Variants in NMBR observed in about 807,000 individuals in gnomAD.
NMBR encodes the protein neuromedin B receptor.
A neutral mutation model predicts 20.5 loss-of-function variants in NMBR; 16 were observed. That is an observed-to-expected ratio of 0.78 (90% CI 0.53 to 1.19). The LOEUF is 1.19. NMBR is among the 50% of genes most tolerant of loss of function. The pLI is 0.00. For synonymous variants in NMBR, 212 were observed against 196.6 expected (o/e 1.08, Z -0.65); for missense variants, 582 against 499.1 (o/e 1.17, Z -1.58).
intron 2 of NMBR, among the ~76,000 whole-genome samples, 155 bp from the exon 3 acceptor site, chr6:142,079,058 AAGAG>A (rs750980226): frequency 1.6e-5 from 2 of 124,650 alleles, no homozygotes; most frequent in East Asian, 2.4e-4. Context: ...GAAAGAGAGA[AAGAG>A]AGAGAGAAAG....
intron 1 of NMBR, among the ~76,000 whole-genome samples, chr6:142,123,230 A>G (rs1301084862): frequency 6.6e-6 from 1 of 151,946 alleles, no homozygotes; most frequent in Non-Finnish European, 1.5e-5. Context: ...GTAACTGCAG[A>G]TGGGATGGAA....
intron 1 of NMBR, among the ~76,000 whole-genome samples, chr6:142,093,977 T>C (rs1277535371): frequency 8.0e-6 from 1 of 125,260 alleles, no homozygotes; most frequent in African/African-American, 3.3e-5. Context: ...GTTCATATCC[T>C]TCGCCCACTC....
chr6:142,137,266 G>A (rs1778277423), intron 1 of NMBR, among the ~76,000 whole-genome samples: 1 of 152,130 alleles, frequency 6.6e-6, no homozygotes, highest in African/African-American at 2.4e-5. Flanking sequence ...AATTGTGAAT[G>A]GGAGTTCACT....
Position 142,078,817 on chromosome 6 carries a change from A to G in NMBR, c.509T>C (p.Val170Ala). The G allele has an allele frequency of 1.2e-6, 2 of 1,613,956 alleles. No homozygotes were observed. Among genetic ancestry groups the G allele is most frequent in the South Asian group, 2.2e-5 (2 of 91,064 alleles). Residue 170 changes from valine to alanine, a missense_variant, in exon 3 of 4, where the codon GTC (valine) becomes GCC (alanine). Coordinates refer to ENST00000258042, the MANE Select transcript of NMBR (RefSeq NM_002511.4). ...TCVKAMGIWV[V>A]SVLLAVPEAV... Reference sequence around the variant, plus strand: ...TTCGGGAACTGCCAGCAACACGGAGACCACCCAGATACCCATGGCCTTCAC... The same window carrying G: ...TTCGGGAACTGCCAGCAACACGGAGGCCACCCAGATACCCATGGCCTTCAC...
chr6:142,074,899 CA>C lies in NMBR; in HGVS notation c.*748del, dbSNP rs1207168856. Among the ~76,000 whole-genome samples, 1 of 151,652 alleles carries C rather than the reference CA, an allele frequency of 6.6e-6. No homozygotes were observed. Among genetic ancestry groups the C allele is most frequent in the Non-Finnish European group, 1.5e-5 (1 of 67,928 alleles). On this transcript the variant is annotated 3_prime_UTR_variant, in exon 4 of 4. Transcript: ENST00000258042. ...TTCATAATATAAATTATATTCATAT[CA>C]TATCTATTTTATAATTCATAATATT... is the stretch of plus-strand genomic sequence containing the variant.
At chr6:142,082,747 T>G (rs527403260) in intron 2 of NMBR, among the ~76,000 whole-genome samples, 1 of 152,274 alleles carries the variant, frequency 6.6e-6, no homozygotes, top group Admixed American at 6.5e-5. Context: ...CCAGCAGAAA[T>G]TCAGCATTTG....
intron 1 of NMBR, among the ~76,000 whole-genome samples, chr6:142,110,410 A>G (rs2114589174): frequency 6.6e-6 from 1 of 152,346 alleles, no homozygotes; most frequent in Non-Finnish European, 1.5e-5. Flanking sequence ...ATCAATAAGC[A>G]ATAATATGGA....
intron 1 of NMBR, among the ~76,000 whole-genome samples, chr6:142,127,959 T>G (rs1778067190): frequency 6.6e-6 from 1 of 152,032 alleles, no homozygotes; most frequent in Non-Finnish European, 1.5e-5. Flanking sequence ...ACTTCTTTTT[T>G]TCTGATTTAA....
At chr6:142,081,325 A>C (rs1777091126) in intron 2 of NMBR, among the ~76,000 whole-genome samples, 1 of 152,204 alleles carries the variant, frequency 6.6e-6, no homozygotes, top group African/African-American at 2.4e-5. Flanking sequence ...TAACTATAAA[A>C]GATATAGAGA....
chr6:142,082,127 A>T (rs529131906), intron 2 of NMBR, among the ~76,000 whole-genome samples: 4 of 152,322 alleles, frequency 2.6e-5, no homozygotes, highest in Admixed American at 2.6e-4. Flanking sequence ...ATCTACACTA[A>T]TCTTTCTAAT....
chr6:142,108,194 C>G (rs4403281), intron 1 of NMBR, among the ~76,000 whole-genome samples: 16,572 of 152,068 alleles, frequency 0.11, 1,045 homozygotes, highest in African/African-American at 0.17. Flanking sequence ...GAAAACCTTC[C>G]AAATTTGACT....
chr6:142,138,212 A>G (rs1488455821), intron 1 of NMBR, among the ~76,000 whole-genome samples: 3 of 152,170 alleles, frequency 2.0e-5, no homozygotes, highest in African/African-American at 4.8e-5. Context: ...TTATACTGGT[A>G]ACTTAGTAGG....
rs1776901541 is a variant in NMBR, at chr6:142,075,070, A to ATG, written c.*577_*578insCA. Among the ~76,000 whole-genome samples, 5 of 148,220 alleles carry ATG rather than the reference A, an allele frequency of 3.4e-5. No homozygotes were observed. Among genetic ancestry groups the ATG allele is most frequent in the Admixed American group, 6.8e-5 (1 of 14,666 alleles). ...TTTTCTTATTTTCTTAAAATGAAGG[A>ATG]CGTGTGTGTGTGTACATATATACAT... On this transcript the variant is annotated 3_prime_UTR_variant, in exon 4 of 4. Coordinates refer to ENST00000258042, the MANE Select transcript of NMBR (RefSeq NM_002511.4).
At position 142,088,559 on chromosome 6, in the gene NMBR, C is replaced by A; in HGVS notation, c.100G>T (p.Asp34Tyr). 1.2e-6 allele frequency: 2 copies of A among 1,613,894 alleles called. No homozygotes were observed. The highest frequency in any genetic ancestry group is 1.7e-6 in the Non-Finnish European group (2 of 1,180,000). Residue 34 changes from aspartate to tyrosine, a missense_variant, in exon 2 of 4, where the codon GAC becomes TAC. Coordinates refer to ENST00000258042, the MANE Select transcript of NMBR (RefSeq NM_002511.4). ...GWERDFLPAS[D>Y]GTTTELVIRC... ...ATCACCAACTCCGTGGTGGTCCCGT[C>A]CGAGGCCGGCAGGAAATCCCTTTCC...
At chr6:142,106,068 T>C (rs1237357521) in intron 1 of NMBR, among the ~76,000 whole-genome samples, 1 of 152,160 alleles carries the variant, frequency 6.6e-6, no homozygotes, top group Non-Finnish European at 1.5e-5. Context: ...CCCTCCCTAA[T>C]GTCTTCCCCA....
chr6:142,120,667 A>G (rs1777930327), intron 1 of NMBR, among the ~76,000 whole-genome samples: 1 of 151,990 alleles, frequency 6.6e-6, no homozygotes, highest in Non-Finnish European at 1.5e-5. Flanking sequence ...TAGAGTACTC[A>G]CAAGTATGTT....
chr6:142,076,170 A>G (rs550473075), intron 3 of NMBR, 121 bp from the exon 4 acceptor site: 618 of 705,100 alleles, frequency 8.8e-4, no homozygotes, highest in Middle Eastern at 5.5e-4. Context: ...AAATACATAA[A>G]TTATTTATTT....
chr6:142,137,293 G>A (rs1187419788), intron 1 of NMBR, among the ~76,000 whole-genome samples: 1 of 152,094 alleles, frequency 6.6e-6, no homozygotes, highest in Non-Finnish European at 1.5e-5. Context: ...TTGGTTCTCT[G>A]TTTGTCTGTT....
intron 1 of NMBR, among the ~76,000 whole-genome samples, chr6:142,135,715 A>G (rs1412020039): frequency 6.7e-6 from 1 of 149,964 alleles, no homozygotes; most frequent in Non-Finnish European, 1.5e-5. Flanking sequence ...CTCATTGTTC[A>G]ATTCCCATCT....
Sources: allele counts gnomAD v4.1 joint callset (sites outside exome capture counted in the v4.1 genomes callset), GRCh38; gene constraint gnomAD v4.1.1; transcripts MANE v1.5; gene names NCBI Gene and HGNC (gene_info 2026-07-23, HGNC 2026-07-21).